The following TGFB2 variants were observed in gnomAD, a reference collection of about 807,000 sequenced individuals.
TGFB2 encodes the protein transforming growth factor beta 2.
TGFB2 carries 13 observed loss-of-function variants against 42.7 expected under a neutral mutation model. That is an observed-to-expected ratio of 0.30 (90% confidence interval 0.20 to 0.48). The LOEUF is 0.48. Among genes scored for constraint, TGFB2 ranks in the 20% least tolerant of loss-of-function variants. The pLI, the probability that TGFB2 is intolerant of heterozygous loss-of-function variation, is 0.99. For missense variants in TGFB2, 390 were observed against 517.5 expected (o/e 0.75, Z 2.39); for synonymous variants, 193 against 193.6 (o/e 1.00, Z 0.03).
At chr1:218,404,106 T>C (rs557066222) in intron 1 of TGFB2, among the ~76,000 whole-genome samples, 9 of 149,688 alleles carry the variant, frequency 6.0e-5, no homozygotes, top group Non-Finnish European at 1.2e-4. Context: ...AGGAGCTTGA[T>C]TGATTGATTG....
At chr1:218,385,526 T>C (rs959378793) in intron 1 of TGFB2, among the ~76,000 whole-genome samples, 6 of 152,192 alleles carry the variant, frequency 3.9e-5, no homozygotes, top group African/African-American at 1.4e-4. Context: ...TTTATCCCTT[T>C]AGCCATGATA....
At chr1:218,347,175 C>T in intron 1 of TGFB2, 128 bp downstream of exon 1, 1 of 755,330 alleles carries the variant, frequency 1.3e-6, no homozygotes, top group Non-Finnish European at 2.2e-6. Flanking sequence ...TTCTCCTGTC[C>T]TTCACCCCAC....
At chr1:218,412,511 C>T (rs554666586) in intron 2 of TGFB2, among the ~76,000 whole-genome samples, 43 of 152,324 alleles carry the variant, frequency 2.8e-4, no homozygotes, top group Non-Finnish European at 5.1e-4. Flanking sequence ...TTTCAGTGTG[C>T]GTACTCACAT....
Position 218,442,275 on chromosome 1 carries a change from A to G in TGFB2, c.*913A>G, listed in dbSNP as rs1043805251. On this transcript the variant is annotated 3_prime_UTR_variant, in exon 7 of 7. Transcript: ENST00000366930. ...TAAAATATTGCTGTATAGCTATGCTATAGGTTTTTTCCTTTGTTTTGGTAT... is the reference window on the plus strand; with the variant it reads ...TAAAATATTGCTGTATAGCTATGCTGTAGGTTTTTTCCTTTGTTTTGGTAT... 1 of 152,176 alleles carries G rather than the reference A, an allele frequency of 6.6e-6. No individual in the cohort carries two copies. 9.4% of individuals were successfully genotyped at this position (152,176 alleles called of 1,614,324 possible).
At chr1:218,438,580 C>CT (rs564568082) in intron 6 of TGFB2, among the ~76,000 whole-genome samples, 3 of 150,514 alleles carry the variant, frequency 2.0e-5, no homozygotes, top group African/African-American at 4.9e-5. Flanking sequence ...CGTTTCTCTA[C>CT]TTTTTTTTTA....
At chr1:218,364,155 T>C (rs559827763) in intron 1 of TGFB2, among the ~76,000 whole-genome samples, 2 of 152,296 alleles carry the variant, frequency 1.3e-5, no homozygotes, top group African/African-American at 2.4e-5. Flanking sequence ...TGCTGATTAT[T>C]TGTGACCTTT....
chr1:218,397,257 G>T, intron 1 of TGFB2, among the ~76,000 whole-genome samples: 1 of 139,660 alleles, frequency 7.2e-6, no homozygotes, highest in East Asian at 2.2e-4. Context: ...CACAGAGCAA[G>T]ACTCCATCTA....
intron 1 of TGFB2, among the ~76,000 whole-genome samples, chr1:218,379,483 C>CT (rs1174681182): frequency 1.0e-4 from 8 of 80,172 alleles, no homozygotes; most frequent in African/African-American, 3.0e-4. Context: ...TTCTTTCTTT[C>CT]TTTCTTTTTT....
At chr1:218,387,792 G>C (rs1658186165) in intron 1 of TGFB2, among the ~76,000 whole-genome samples, 1 of 152,206 alleles carries the variant, frequency 6.6e-6, no homozygotes, top group South Asian at 2.1e-4. Context: ...TGTGAGAAAA[G>C]GTGGTCTGAT....
chr1:218,371,747 A>T (rs542997744), intron 1 of TGFB2, among the ~76,000 whole-genome samples: 1 of 152,346 alleles, frequency 6.6e-6, no homozygotes, highest in East Asian at 1.9e-4. Context: ...GCGAGTTTCC[A>T]TGAGGTTCTG....
chr1:218,437,990 C>T (rs1660025782), intron 6 of TGFB2, among the ~76,000 whole-genome samples: 1 of 152,030 alleles, frequency 6.6e-6, no homozygotes, highest in South Asian at 2.1e-4. Context: ...GGGAACATTC[C>T]AGATCATCTC....
intron 1 of TGFB2, among the ~76,000 whole-genome samples, chr1:218,356,454 A>C (rs570066559): frequency 7.0e-4 from 107 of 152,246 alleles, no homozygotes; most frequent in African/African-American, 2.5e-3. Flanking sequence ...CTTGGCCTGA[A>C]GCAATCCTCC....
intron 1 of TGFB2, among the ~76,000 whole-genome samples, chr1:218,387,697 T>A (rs1658183692): frequency 6.6e-6 from 1 of 152,182 alleles, no homozygotes; most frequent in South Asian, 2.1e-4. Context: ...ATATTGCACA[T>A]CTTAAATCCC....
intron 1 of TGFB2, among the ~76,000 whole-genome samples, chr1:218,365,431 G>A (rs80285490): frequency 0.021 from 3,133 of 152,106 alleles, 96 homozygotes; most frequent in African/African-American, 0.069. Flanking sequence ...TAATTGCTGC[G>A]AGCTTCTGTC....
At chr1:218,424,382 T>C (rs1167762448) in intron 2 of TGFB2, among the ~76,000 whole-genome samples, 1 of 152,214 alleles carries the variant, frequency 6.6e-6, no homozygotes, top group East Asian at 1.9e-4. Context: ...AACAGATATA[T>C]ATGTGTAATT....
intron 1 of TGFB2, among the ~76,000 whole-genome samples, chr1:218,349,342 A>G (rs1388694119): frequency 6.6e-6 from 1 of 152,162 alleles, no homozygotes; most frequent in Non-Finnish European, 1.5e-5. Flanking sequence ...CCCTTCCAAA[A>G]AAAAGGAAAA....
At chr1:218,378,594 G>A (rs1165984653) in intron 1 of TGFB2, among the ~76,000 whole-genome samples, 1 of 152,056 alleles carries the variant, frequency 6.6e-6, no homozygotes, top group African/African-American at 2.4e-5. Flanking sequence ...GATTATAGAT[G>A]TGAGCCACCG....
chr1:218,373,258 A>G (rs551739350), intron 1 of TGFB2, among the ~76,000 whole-genome samples: 1 of 152,250 alleles, frequency 6.6e-6, no homozygotes, highest in South Asian at 2.1e-4. Context: ...AGCTTTTAAT[A>G]AAACTGTGTG....
rs1333695669 is a variant in TGFB2, at chr1:218,346,486, C to A, written c.-216C>A. ...CTCTGCCCGTCCCGTATTAATATTT[C>A]CACTTTTGGAACTACTGGCCTTTTC... is the stretch of plus-strand genomic sequence containing the variant. On this transcript the variant is annotated 5_prime_UTR_variant, in exon 1 of 7. Coordinates refer to ENST00000366930, the MANE Select transcript of TGFB2 (RefSeq NM_003238.6). This position sits in a 1 kb window ranked among gnomAD's most constrained non-coding sequence, Gnocchi z 4.9. 1 of 496,554 alleles carries A rather than the reference C, an allele frequency of 2.0e-6. No homozygotes were observed. Among genetic ancestry groups the A allele is most frequent in the African/African-American group, 2.0e-5 (1 of 49,320 alleles). 30.8% of individuals were successfully genotyped at this position (496,554 alleles called of 1,614,324 possible).
Sources: allele counts gnomAD v4.1 joint callset (sites outside exome capture counted in the v4.1 genomes callset), GRCh38; gene constraint gnomAD v4.1.1; non-coding constraint Gnocchi (gnomAD v3.1); transcripts MANE v1.5; gene names NCBI Gene and HGNC (gene_info 2026-07-23, HGNC 2026-07-21).